CHLSN: variants seen among roughly 807,000 people sequenced by gnomAD.
CHLSN encodes cholesin, also known as protein cholesin.
the CHLSN span, among the ~76,000 whole-genome samples, chr7:1,116,137 A>G: frequency 7.9e-6 from 1 of 126,686 alleles, no homozygotes. Context: ...GCAGGATGAC[A>G]TAACTACAGC....
chr7:1,108,842 C>G, the CHLSN span, among the ~76,000 whole-genome samples: 2 of 152,008 alleles, frequency 1.3e-5, no homozygotes, highest in African/African-American at 2.4e-5. Context: ...TCTTTACCAC[C>G]TGCTTTTGAA....
chr7:1,057,959 C>CG, the CHLSN span: 1 of 772,002 alleles, frequency 1.3e-6, no homozygotes, highest in Non-Finnish European at 2.4e-6. Context: ...GGCACGTGTG[C>CG]GGCTTCGTGT....
the CHLSN span, among the ~76,000 whole-genome samples, chr7:1,111,817 A>C: frequency 6.6e-6 from 1 of 151,922 alleles, no homozygotes; most frequent in Admixed American, 6.5e-5. Context: ...AAAAAGTTGC[A>C]GTTTCCAAGG....
At chr7:999,600 A>G in the CHLSN span, among the ~76,000 whole-genome samples, 1 of 152,196 alleles carries the variant, frequency 6.6e-6, no homozygotes, top group Non-Finnish European at 1.5e-5. Context: ...AAACAACAAA[A>G]TAATGAAAGC....
the CHLSN span, among the ~76,000 whole-genome samples, chr7:1,081,135 G>A: frequency 6.6e-6 from 1 of 152,254 alleles, no homozygotes; most frequent in Non-Finnish European, 1.5e-5. Context: ...CAAAGGGCTT[G>A]GTCCCTCCCC....
chr7:1,017,080 C>T, the CHLSN span, among the ~76,000 whole-genome samples: 9 of 152,324 alleles, frequency 5.9e-5, no homozygotes, highest in African/African-American at 1.2e-4. Context: ...GTGGGGTCTG[C>T]GGAGAGCCCG....
the CHLSN span, among the ~76,000 whole-genome samples, chr7:1,054,820 G>GCTCCC: frequency 2.0e-5 from 3 of 152,236 alleles, no homozygotes; most frequent in Non-Finnish European, 4.4e-5. Flanking sequence ...AGATGCACGT[G>GCTCCC]CTCCCCTCTC....
the CHLSN span, among the ~76,000 whole-genome samples, chr7:1,057,185 G>A: frequency 2.0e-5 from 3 of 152,114 alleles, no homozygotes; most frequent in East Asian, 1.9e-4. Context: ...AACTCAGGAC[G>A]ACCACCCAGG....
the CHLSN span, chr7:1,057,834 A>G: frequency 1.3e-6 from 1 of 777,428 alleles, no homozygotes; most frequent in South Asian, 1.3e-5. Flanking sequence ...GGCACTGCAG[A>G]TCCCCTTCAA....
chr7:1,063,658 G>T, the CHLSN span, among the ~76,000 whole-genome samples: 4 of 152,368 alleles, frequency 2.6e-5, no homozygotes, highest in East Asian at 5.8e-4. Flanking sequence ...GTCCTCACCT[G>T]CCCTTGGTGC....
the CHLSN span, chr7:1,028,143 G>A: frequency 1.4e-6 from 1 of 720,304 alleles, no homozygotes. Flanking sequence ...GCAGCGTCTG[G>A]ACGCCACGGC....
the CHLSN span, among the ~76,000 whole-genome samples, chr7:1,089,707 CT>C: frequency 0.057 from 7,020 of 124,102 alleles, 598 homozygotes; most frequent in African/African-American, 0.2. Flanking sequence ...ATAGGCCAGC[CT>C]TTTTTTTTTT....
the CHLSN span, among the ~76,000 whole-genome samples, chr7:982,506 G>A: frequency 2.0e-5 from 3 of 152,246 alleles, no homozygotes; most frequent in African/African-American, 7.2e-5. Context: ...CCCGCCACCT[G>A]CCACCCGGCA....
the CHLSN span, chr7:1,091,783 G>T: frequency 7.0e-6 from 11 of 1,580,756 alleles, no homozygotes; most frequent in Middle Eastern, 1.7e-4. Flanking sequence ...CCCAGGCACC[G>T]CGCAGCCTGC....
chr7:1,035,655 G>A, the CHLSN span, among the ~76,000 whole-genome samples: 1 of 152,210 alleles, frequency 6.6e-6, no homozygotes, highest in Admixed American at 6.5e-5. Context: ...GGGTGAGGAT[G>A]TGGAGCAACA....
At chr7:1,037,170 G>A in the CHLSN span, among the ~76,000 whole-genome samples, 1 of 145,642 alleles carries the variant, frequency 6.9e-6, no homozygotes, top group Non-Finnish European at 1.5e-5. Context: ...TCTGATAAAG[G>A]GCATCTACAA....
At chr7:1,016,914 G>GCAGGACGCAGCA in the CHLSN span, among the ~76,000 whole-genome samples, 2 of 76,452 alleles carry the variant, frequency 2.6e-5, no homozygotes, top group Non-Finnish European at 5.1e-5. Context: ...ACACGCCAGC[G>GCAGGACGCAGCA]CACAGCAGCA....
the CHLSN span, among the ~76,000 whole-genome samples, chr7:1,013,195 G>A: frequency 5.3e-5 from 8 of 152,204 alleles, no homozygotes; most frequent in Middle Eastern, 3.2e-3. Context: ...GACGAGCAGC[G>A]GAGAACTTTC....
At chr7:1,053,173 G>C in the CHLSN span, among the ~76,000 whole-genome samples, 1 of 152,218 alleles carries the variant, frequency 6.6e-6, no homozygotes, top group Non-Finnish European at 1.5e-5. Flanking sequence ...AGAGGCAAGC[G>C]GGAGACCACG....
Sources: allele counts gnomAD v4.1 joint callset (sites outside exome capture counted in the v4.1 genomes callset), GRCh38; gene constraint gnomAD v4.1.1; transcripts MANE v1.5; gene names NCBI Gene and HGNC (gene_info 2026-07-23, HGNC 2026-07-21).